The following PCDH15 variants were observed in gnomAD, a reference collection of about 807,000 sequenced individuals.
The protein encoded by PCDH15 is protocadherin related 15, also known as protocadherin-15.
In PCDH15, 129 loss-of-function variants were observed where a neutral mutation model predicts 178.5. The observed-to-expected ratio is 0.72, with a 90% CI of 0.63 to 0.84. The LOEUF (loss-of-function observed/expected upper bound fraction) is 0.84. PCDH15 is among the 40% of genes least tolerant of loss of function. The pLI is 0.00. For synonymous variants in PCDH15, 800 were observed against 732.0 expected (o/e 1.09, Z -1.50); for missense variants, 2,230 against 2,099.9 (o/e 1.06, Z -1.21).
chr10:53,836,573 G>A (rs972828953), intron 29 of PCDH15, among the ~76,000 whole-genome samples: 6 of 152,164 alleles, frequency 3.9e-5, no homozygotes, highest in Admixed American at 2.6e-4. Context: ...AATTTTTGAA[G>A]CTTTTGGCAC....
chr10:54,412,616 A>G (rs549011007), intron 3 of PCDH15, among the ~76,000 whole-genome samples: 12 of 152,296 alleles, frequency 7.9e-5, no homozygotes, highest in African/African-American at 2.9e-4. Context: ...GCACTCTGAA[A>G]TTCTAGCATT....
At chr10:54,034,337 A>G (rs1037170362) in intron 18 of PCDH15, among the ~76,000 whole-genome samples, 1 of 151,898 alleles carries the variant, frequency 6.6e-6, no homozygotes, top group African/African-American at 2.4e-5. Context: ...TACCTTGATA[A>G]CATCACAGGG....
chr10:53,981,005 T>C (rs1564920353), intron 21 of PCDH15, among the ~76,000 whole-genome samples: 1 of 152,214 alleles, frequency 6.6e-6, no homozygotes, highest in East Asian at 1.9e-4. Context: ...ATTTGAAATG[T>C]GTAAAATTCA....
chr10:55,122,101 T>C (rs550328684), intron 2 of PCDH15, among the ~76,000 whole-genome samples: 1 of 152,296 alleles, frequency 6.6e-6, no homozygotes, highest in South Asian at 2.1e-4. Context: ...TCTTAATTTG[T>C]CATTTTAGAG....
chr10:54,100,122 C>T (rs754752679), intron 15 of PCDH15, among the ~76,000 whole-genome samples: 1 of 152,094 alleles, frequency 6.6e-6, no homozygotes, highest in African/African-American at 2.4e-5. Context: ...AATCCCAGCA[C>T]TTTGGGAGCC....
At chr10:55,133,846 C>T (rs146991311) in intron 2 of PCDH15, among the ~76,000 whole-genome samples, 2 of 152,212 alleles carry the variant, frequency 1.3e-5, no homozygotes, top group African/African-American at 2.4e-5. Flanking sequence ...GCTCTATCTT[C>T]AAAATGATCT....
At chr10:54,571,274 G>A (rs2089792048) in intron 2 of PCDH15, among the ~76,000 whole-genome samples, 2 of 142,216 alleles carry the variant, frequency 1.4e-5, no homozygotes, top group African/African-American at 5.3e-5. Flanking sequence ...CAAATGAGAA[G>A]ATACCAGTCC....
chr10:55,326,750 C>T (rs1046758707), intron 2 of PCDH15, among the ~76,000 whole-genome samples: 14 of 151,750 alleles, frequency 9.2e-5, no homozygotes, highest in African/African-American at 3.1e-4. Context: ...TAACACATAC[C>T]TAACAGAAAT....
chr10:55,550,541 A>G (rs1483049371), intron 2 of PCDH15, among the ~76,000 whole-genome samples: 1 of 152,152 alleles, frequency 6.6e-6, no homozygotes, highest in Non-Finnish European at 1.5e-5. Context: ...ACTGGAAGCA[A>G]GTATTAATTG....
rs552817707 is a variant in PCDH15 at position 55,026,011 on chromosome 10, T to G, written c.-79-128511A>C. ...TACCTGGAGTAAAATTTAGTTTGAA[T>G]GAAGTTTTGACAAAAAATATTAAAA... On this transcript the variant is annotated intron_variant, in intron 2 of 5. Transcript: ENST00000458638. Among the ~76,000 whole-genome samples, 7 of 152,098 alleles carry G rather than the reference T, an allele frequency of 4.6e-5. No homozygotes were observed. In the South Asian group the frequency reaches 1.5e-3, roughly 32 times the overall value.
At chr10:55,322,249 A>G (rs1470776349), upstream of PCDH15, among the ~76,000 whole-genome samples, 4 of 152,136 alleles carry the variant, frequency 2.6e-5, no homozygotes, top group Non-Finnish European at 4.4e-5. Context: ...CTTTTGCCTT[A>G]CACCATTATT....
intron 3 of PCDH15, among the ~76,000 whole-genome samples, chr10:54,436,776 C>T (rs115468944): frequency 0.018 from 2,762 of 150,368 alleles, 91 homozygotes; most frequent in African/African-American, 0.064. Context: ...CTTTGTTACA[C>T]ATACCACATA....
intron 2 of PCDH15, among the ~76,000 whole-genome samples, chr10:54,954,537 T>C (rs527829858): frequency 6.6e-6 from 1 of 151,278 alleles, no homozygotes; most frequent in South Asian, 2.1e-4. Context: ...TCTTTCTCTA[T>C]TTTCAAAATC....
intron 1 of PCDH15, among the ~76,000 whole-genome samples, chr10:54,696,470 A>G (rs2095226310): frequency 6.6e-6 from 1 of 152,168 alleles, no homozygotes; most frequent in African/African-American, 2.4e-5. Context: ...AGAATTTAGA[A>G]TATTACATAA....
intron 1 of PCDH15, among the ~76,000 whole-genome samples, chr10:54,797,355 C>T (rs914592210): frequency 6.6e-6 from 1 of 151,960 alleles, no homozygotes; most frequent in Non-Finnish European, 1.5e-5. Flanking sequence ...GCTTTTGCCT[C>T]TTACATTTAT....
At chr10:53,810,229 A>G (rs2075816287) in intron 37 of PCDH15, among the ~76,000 whole-genome samples, 1 of 152,202 alleles carries the variant, frequency 6.6e-6, no homozygotes, top group African/African-American at 2.4e-5. Flanking sequence ...TGGGAGCAAA[A>G]GTAACCTTTG....
intron 2 of PCDH15, among the ~76,000 whole-genome samples, chr10:54,587,955 T>A (rs2091614430): frequency 6.6e-6 from 1 of 152,216 alleles, no homozygotes; most frequent in African/African-American, 2.4e-5. Context: ...AATTTATTTA[T>A]TTTCCTACAC....
At chr10:55,554,591 T>C (rs1166604504) in intron 2 of PCDH15, among the ~76,000 whole-genome samples, 1 of 152,032 alleles carries the variant, frequency 6.6e-6, no homozygotes, top group Non-Finnish European at 1.5e-5. Context: ...ATACAGCTTT[T>C]GTGGGATGCA....
In PCDH15 at chr10:55,465,494, C is replaced by G. The variant is rs73261663; in HGVS notation, c.-156+162131G>C. On this transcript the variant is annotated intron_variant, in intron 2 of 5. Coordinates refer to the PCDH15 transcript ENST00000613346. ...GCAGAGCTTTTAAAATGTACCAATGCCAGCCCCTTTTCATCAGTCTTATTT... is the reference window on the plus strand; with the variant it reads ...GCAGAGCTTTTAAAATGTACCAATGGCAGCCCCTTTTCATCAGTCTTATTT... Among the ~76,000 whole-genome samples the G allele has an allele frequency of 5.8e-3, 887 of 152,220 alleles. 13 individuals are homozygous for G. The highest frequency in any genetic ancestry group is 0.02 in the African/African-American group (835 of 41,532).
Sources: allele counts gnomAD v4.1 joint callset (sites outside exome capture counted in the v4.1 genomes callset), GRCh38; gene constraint gnomAD v4.1.1; transcripts MANE v1.5; gene names NCBI Gene and HGNC (gene_info 2026-07-23, HGNC 2026-07-21).